Variants in R3HDM2 observed in about 807,000 individuals in gnomAD.
R3HDM2 encodes the protein R3H domain-containing protein 2.
A neutral mutation model predicts 124.5 loss-of-function variants in R3HDM2; 38 were observed. The observed-to-expected ratio is 0.31, with a 90% CI of 0.24 to 0.40. The LOEUF (loss-of-function observed/expected upper bound fraction) is 0.40. Ranked by LOEUF, R3HDM2 falls within the 10% of genes least tolerant of loss-of-function variation. R3HDM2 has a pLI of 1.00. For synonymous variants in R3HDM2, 391 were observed against 448.0 expected (o/e 0.87, Z 1.61); for missense variants, 869 against 1,236.9 (o/e 0.70, Z 4.46).
intron 1 of R3HDM2, chr12:57,415,283 C>T (rs914239157): frequency 5.3e-5 from 8 of 152,076 alleles, no homozygotes; most frequent in Non-Finnish European, 1.0e-4. Flanking sequence ...TCAACATATT[C>T]AAAGCACCAG....
chr12:57,407,297 C>A (rs56740845), intron 1 of R3HDM2, among the ~76,000 whole-genome samples: 1 of 151,604 alleles, frequency 6.6e-6, no homozygotes, highest in African/African-American at 2.4e-5. Flanking sequence ...CACTGACCAA[C>A]TATAACAGAC....
At chr12:57,360,042 T>TACAC (rs1235211302) in intron 2 of R3HDM2, among the ~76,000 whole-genome samples, 1 of 80,100 alleles carries the variant, frequency 1.2e-5, no homozygotes, top group African/African-American at 4.4e-5. Flanking sequence ...TATATATATA[T>TACAC]ATATATTTTT....
chr12:57,409,066 T>C (rs967753558), intron 1 of R3HDM2, among the ~76,000 whole-genome samples: 4 of 152,136 alleles, frequency 2.6e-5, no homozygotes, highest in Admixed American at 6.6e-5. Context: ...TGCTCATTAA[T>C]TGTTCATTTT....
intron 1 of R3HDM2, among the ~76,000 whole-genome samples, chr12:57,421,925 AT>A (rs1396385121): frequency 6.6e-6 from 1 of 151,938 alleles, no homozygotes; most frequent in African/African-American, 2.4e-5. Flanking sequence ...GGTGAAACCC[AT>A]CTCTACTAAA....
At chr12:57,322,113 G>C (rs914008276) in intron 2 of R3HDM2, among the ~76,000 whole-genome samples, 1 of 152,072 alleles carries the variant, frequency 6.6e-6, no homozygotes, top group Non-Finnish European at 1.5e-5. Flanking sequence ...CTGTTCGGGA[G>C]GCTGAGGCAG....
chr12:57,419,545 G>A (rs570092732), intron 1 of R3HDM2, among the ~76,000 whole-genome samples: 20 of 151,848 alleles, frequency 1.3e-4, no homozygotes, highest in African/African-American at 4.8e-4. Context: ...GGGCTCAAGT[G>A]ATCCTCCCAC....
intron 2 of R3HDM2, among the ~76,000 whole-genome samples, chr12:57,333,568 T>C (rs2058471370): frequency 6.6e-6 from 1 of 151,928 alleles, no homozygotes; most frequent in Non-Finnish European, 1.5e-5. Flanking sequence ...GGCAGGCGCC[T>C]GTAATCCCAG....
chr12:57,323,697 C>T (rs2056827042), intron 2 of R3HDM2, among the ~76,000 whole-genome samples: 1 of 152,170 alleles, frequency 6.6e-6, no homozygotes, highest in Non-Finnish European at 1.5e-5. Context: ...CTGTACTTGC[C>T]TTAAAATGAG....
At chr12:57,395,414 G>A (rs2067352118) in intron 2 of R3HDM2, among the ~76,000 whole-genome samples, 1 of 152,028 alleles carries the variant, frequency 6.6e-6, no homozygotes, top group African/African-American at 2.4e-5. Flanking sequence ...TGAGGCGGGA[G>A]AATCGCTTGA....
intron 2 of R3HDM2, among the ~76,000 whole-genome samples, chr12:57,352,492 C>CTTT (rs759397684): frequency 8.0e-6 from 1 of 125,032 alleles, no homozygotes; most frequent in Admixed American, 8.3e-5. Flanking sequence ...TAGGCAAACG[C>CTTT]TTTTTTTTTT....
chr12:57,318,991 G>A (rs991458313), intron 2 of R3HDM2, among the ~76,000 whole-genome samples: 21 of 152,162 alleles, frequency 1.4e-4, no homozygotes, highest in African/African-American at 5.1e-4. Context: ...TAACTAAGGG[G>A]AGAAATAGTC....
chr12:57,385,558 A>G (rs371434748), intron 2 of R3HDM2, among the ~76,000 whole-genome samples: 2 of 151,852 alleles, frequency 1.3e-5, no homozygotes, highest in Admixed American at 1.3e-4. Flanking sequence ...TAAGACTTTT[A>G]TCTGGGGGTG....
At chr12:57,304,695 A>G (rs1332322868) in intron 3 of R3HDM2, among the ~76,000 whole-genome samples, 2 of 152,232 alleles carry the variant, frequency 1.3e-5, no homozygotes, top group African/African-American at 4.8e-5. Context: ...CAGGCAATAC[A>G]TACAACATGG....
chr12:57,372,660 T>C (rs976770381), intron 2 of R3HDM2, among the ~76,000 whole-genome samples: 2 of 152,228 alleles, frequency 1.3e-5, no homozygotes, highest in African/African-American at 4.8e-5. Context: ...TAGGAAGATA[T>C]GTTTTTTAAA....
At position 57,258,087 on chromosome 12, in the gene R3HDM2, T is replaced by C. The variant is rs1035508926; in HGVS notation, c.2352A>G (p.Pro784=). ...TGAGGCTGGTGACAGGAGAGGGTGCTGGAGACTGGGTAGGAGATGTGACAG... is the reference window on the plus strand; with the variant it reads ...TGAGGCTGGTGACAGGAGAGGGTGCCGGAGACTGGGTAGGAGATGTGACAG... ...SSPVTSPTQS[P]APSPVTSLSS... Residue 784 remains proline (P), a synonymous_variant, in exon 21 of 24, where the codon CCA becomes CCG. Transcript: ENST00000402412. 1.3e-6 allele frequency: 2 copies of C among 1,596,672 alleles called. No homozygotes were observed. The highest frequency in any genetic ancestry group is 2.7e-5 in the African/African-American group (2 of 74,830).
chr12:57,397,528 C>A (rs2067667843), intron 1 of R3HDM2, among the ~76,000 whole-genome samples: 1 of 151,858 alleles, frequency 6.6e-6, no homozygotes, highest in South Asian at 2.1e-4. Flanking sequence ...TTTTTATAGC[C>A]CCTGCACATC....
chr12:57,310,494 G>C, intron 2 of R3HDM2, 31 bp from the exon 3 acceptor site: 1 of 1,253,062 alleles, frequency 8.0e-7, no homozygotes, highest in Non-Finnish European at 1.0e-6. Flanking sequence ...TTAAGCAGGA[G>C]GTATGTATCC....
chr12:57,300,694 T>G (rs952688529), intron 4 of R3HDM2, among the ~76,000 whole-genome samples: 2 of 152,212 alleles, frequency 1.3e-5, no homozygotes, highest in African/African-American at 4.8e-5. Context: ...AATTAGATAA[T>G]ATACAGTATG....
intron 2 of R3HDM2, among the ~76,000 whole-genome samples, chr12:57,333,354 CTAA>C (rs2058440068): frequency 6.6e-6 from 1 of 152,088 alleles, no homozygotes; most frequent in African/African-American, 2.4e-5. Context: ...AAGAAAAAAG[CTAA>C]TAATTTCCGA....
Sources: gnomAD v4.1 joint callset for allele counts (sites outside exome capture counted in the v4.1 genomes callset) on GRCh38, gnomAD v4.1.1 for gene constraint, MANE v1.5 for transcripts, NCBI Gene and HGNC (gene_info 2026-07-23, HGNC 2026-07-21) for gene names.